NKAIN3: variants seen among roughly 807,000 people sequenced by gnomAD.
NKAIN3 encodes the protein sodium/potassium-transporting ATPase subunit beta-1-interacting protein 3.
In NKAIN3, 25 loss-of-function variants were observed where a neutral mutation model predicts 30.2. The observed-to-expected ratio is 0.83, with a 90% CI of 0.60 to 1.16. The LOEUF is 1.16. Ranked by LOEUF, NKAIN3 falls within the 50% of genes most tolerant of loss-of-function variation. NKAIN3 has a pLI of 0.00. For missense variants in NKAIN3, 225 were observed against 254.1 expected, an observed-to-expected ratio of 0.89 and a Z score of 0.78; for synonymous variants, 91 against 89.6, an observed-to-expected ratio of 1.02 and a Z score of -0.09.
chr8:62,702,665 G>C (rs1287307769), intron 3 of NKAIN3, among the ~76,000 whole-genome samples: 1 of 152,126 alleles, frequency 6.6e-6, no homozygotes, highest in African/African-American at 2.4e-5. Flanking sequence ...AACCACTCTT[G>C]TAAATTATGT....
intron 4 of NKAIN3, among the ~76,000 whole-genome samples, chr8:62,832,362 A>G (rs1392239673): frequency 6.6e-6 from 1 of 151,950 alleles, no homozygotes; most frequent in African/African-American, 2.4e-5. Flanking sequence ...AACTACAAAC[A>G]GTGAACAACT....
chr8:62,703,786 T>A (rs1814426212), intron 3 of NKAIN3, among the ~76,000 whole-genome samples: 1 of 152,246 alleles, frequency 6.6e-6, no homozygotes. Flanking sequence ...ATTATTTGTC[T>A]AGGTGTAAAA....
intron 1 of NKAIN3, chr8:62,344,845 A>G (rs909204394): frequency 4.6e-6 from 2 of 436,384 alleles, no homozygotes; most frequent in East Asian, 7.1e-5. Context: ...TCTGTGAAGA[A>G]TGTCATGGGT....
intron 5 of NKAIN3, among the ~76,000 whole-genome samples, chr8:62,953,051 C>T (rs72656527): frequency 0.31 from 47,054 of 151,822 alleles, 7,792 homozygotes; most frequent in African/African-American, 0.4. Flanking sequence ...TGTATGGAGG[C>T]AAAATTACAG....
intron 5 of NKAIN3, among the ~76,000 whole-genome samples, chr8:62,922,207 G>A (rs1822301411): frequency 6.6e-6 from 1 of 152,146 alleles, no homozygotes; most frequent in Non-Finnish European, 1.5e-5. Context: ...TTGGAAGGAA[G>A]CGTAACTATC....
chr8:62,461,443 G>A (rs1434663073), intron 1 of NKAIN3, among the ~76,000 whole-genome samples: 3 of 152,150 alleles, frequency 2.0e-5, no homozygotes, highest in Non-Finnish European at 2.9e-5. Flanking sequence ...CAAAAAAACA[G>A]TGGCCCATTC....
intron 1 of NKAIN3, among the ~76,000 whole-genome samples, chr8:62,280,665 G>T (rs1433819344): frequency 6.6e-5 from 10 of 152,114 alleles, no homozygotes. Flanking sequence ...CTGTTTATAT[G>T]CTGGATTACA....
intron 1 of NKAIN3, among the ~76,000 whole-genome samples, chr8:62,578,476 G>A (rs1166798968): frequency 6.6e-6 from 1 of 152,000 alleles, no homozygotes; most frequent in Non-Finnish European, 1.5e-5. Flanking sequence ...ATTCAAGGGG[G>A]TTAACTCTAG....
intron 1 of NKAIN3, among the ~76,000 whole-genome samples, chr8:62,484,382 G>T (rs766707840): frequency 8.5e-5 from 13 of 152,162 alleles, no homozygotes; most frequent in Non-Finnish European, 1.8e-4. Context: ...CAGCTTGAAG[G>T]TCTGCATCCC....
chr8:62,873,465 A>G (rs1394032027), intron 4 of NKAIN3, among the ~76,000 whole-genome samples: 2 of 148,662 alleles, frequency 1.3e-5, no homozygotes, highest in East Asian at 2.0e-4. Flanking sequence ...CAGGACTTGA[A>G]CTCAACTCTG....
chr8:62,911,421 A>G (rs571119214), intron 4 of NKAIN3, among the ~76,000 whole-genome samples: 1 of 152,322 alleles, frequency 6.6e-6, no homozygotes, highest in South Asian at 2.1e-4. Flanking sequence ...CCAATAAGCA[A>G]CTTCCAAGAT....
At chr8:62,656,497 A>G (rs1408814638) in intron 3 of NKAIN3, among the ~76,000 whole-genome samples, 2 of 152,048 alleles carry the variant, frequency 1.3e-5, no homozygotes, top group Admixed American at 6.6e-5. Context: ...GAAAGAAAGA[A>G]AAAAAGGAAG....
intron 1 of NKAIN3, among the ~76,000 whole-genome samples, chr8:62,519,399 G>C (rs965145033): frequency 5.3e-5 from 8 of 152,110 alleles, no homozygotes; most frequent in African/African-American, 1.9e-4. Flanking sequence ...TGTCACATCA[G>C]AGAAAACTTC....
intron 4 of NKAIN3, among the ~76,000 whole-genome samples, chr8:62,835,146 C>A (rs779365325): frequency 6.6e-6 from 1 of 151,218 alleles, no homozygotes; most frequent in Non-Finnish European, 1.5e-5. Context: ...AATTTGAATA[C>A]CTACCTTTCA....
At chr8:62,630,790 T>C (rs1199841761) in intron 3 of NKAIN3, among the ~76,000 whole-genome samples, 1 of 152,164 alleles carries the variant, frequency 6.6e-6, no homozygotes, top group Non-Finnish European at 1.5e-5. Context: ...CTCAGAGAAA[T>C]CTGCCTCCAC....
At chr8:62,581,800 C>A (rs1810303924) in intron 2 of NKAIN3, among the ~76,000 whole-genome samples, 1 of 68,694 alleles carries the variant, frequency 1.5e-5, no homozygotes, top group Non-Finnish European at 3.0e-5. Context: ...TCCCACCTAT[C>A]CTCCCTCCCT....
At chr8:62,364,859 T>C (rs890682404) in intron 1 of NKAIN3, among the ~76,000 whole-genome samples, 5 of 111,300 alleles carry the variant, frequency 4.5e-5, no homozygotes, top group African/African-American at 1.7e-4. Context: ...AAATCATCTA[T>C]GGGATATTTT....
intron 4 of NKAIN3, among the ~76,000 whole-genome samples, chr8:62,876,973 G>A (rs1322015402): frequency 6.6e-6 from 1 of 150,942 alleles, no homozygotes; most frequent in Non-Finnish European, 1.5e-5. Context: ...AAAGTTTGGG[G>A]TTTTTAACTC....
intron 1 of NKAIN3, among the ~76,000 whole-genome samples, chr8:62,470,987 T>A (rs983892501): frequency 2.6e-5 from 4 of 152,222 alleles, no homozygotes; most frequent in Admixed American, 6.5e-5. Context: ...TTTCCTTTTT[T>A]AAAAAAACTA....
Sources: gnomAD v4.1 joint callset for allele counts (sites outside exome capture counted in the v4.1 genomes callset) on GRCh38, gnomAD v4.1.1 for gene constraint, MANE v1.5 for transcripts, NCBI Gene and HGNC (gene_info 2026-07-23, HGNC 2026-07-21) for gene names.